The following VGLL4 variants were observed in gnomAD, a reference collection of about 807,000 sequenced individuals.
VGLL4 encodes transcription cofactor vestigial-like protein 4.
Under a neutral mutation model 21.0 loss-of-function variants are expected in VGLL4, and 7 were observed. That is an observed-to-expected ratio of 0.33 (90% CI 0.19 to 0.63). The LOEUF (loss-of-function observed/expected upper bound fraction) is 0.63. VGLL4 is among the 20% of genes least tolerant of loss of function. VGLL4 has a pLI of 0.78. For synonymous variants in VGLL4, 222 were observed against 173.2 expected, an observed-to-expected ratio of 1.28 and a Z score of -2.21; for missense variants, 394 against 425.7, an observed-to-expected ratio of 0.93 and a Z score of 0.66.
chr3:11,564,750 C>T, intron 3 of VGLL4, 47 bp downstream of exon 3: 1 of 1,531,236 alleles, frequency 6.5e-7, no homozygotes, highest in Non-Finnish European at 8.7e-7. Context: ...CAGCCCAGTC[C>T]CCCAGCCCCT....
chr3:11,620,811 A>G (rs1021236949), intron 1 of VGLL4, among the ~76,000 whole-genome samples: 1 of 152,138 alleles, frequency 6.6e-6, no homozygotes, highest in Non-Finnish European at 1.5e-5. Context: ...CTGTGTGCAC[A>G]TATCATGCTC....
chr3:11,681,812 G>A (rs749132387), intron 2 of VGLL4, among the ~76,000 whole-genome samples: 2 of 152,210 alleles, frequency 1.3e-5, no homozygotes, highest in South Asian at 2.1e-4. Flanking sequence ...AGTAAGATTC[G>A]AGAAGGGCGT....
At chr3:11,698,940 A>G (rs2076642253) in intron 2 of VGLL4, among the ~76,000 whole-genome samples, 1 of 152,214 alleles carries the variant, frequency 6.6e-6, no homozygotes. Context: ...GTTCTCCAGG[A>G]GCAAAGGAAA....
chr3:11,583,755 GCACATTCCTGC>G (rs1380322014), intron 2 of VGLL4, among the ~76,000 whole-genome samples: 1 of 152,154 alleles, frequency 6.6e-6, no homozygotes, highest in Non-Finnish European at 1.5e-5. Context: ...CCAAGGATGG[GCACATTCCTGC>G]CCATCACCAT....
intron 2 of VGLL4, among the ~76,000 whole-genome samples, chr3:11,687,250 G>A (rs544731370): frequency 2.6e-5 from 4 of 152,094 alleles, no homozygotes; most frequent in African/African-American, 9.6e-5. Context: ...TTCCAATTAG[G>A]ATGTATTTAA....
At chr3:11,574,887 C>A (rs944744238) in intron 2 of VGLL4, among the ~76,000 whole-genome samples, 1 of 148,740 alleles carries the variant, frequency 6.7e-6, no homozygotes, top group Non-Finnish European at 1.5e-5. Flanking sequence ...TTCAGGAAGC[C>A]AGGAAAAAGA....
chr3:11,580,939 G>C (rs1044354827), intron 2 of VGLL4, among the ~76,000 whole-genome samples: 2 of 152,136 alleles, frequency 1.3e-5, no homozygotes, highest in Non-Finnish European at 2.9e-5. Context: ...ATTGTTTCAA[G>C]TCATCGGAGG....
rs548609166 is a variant in VGLL4 at position 11,586,341 on chromosome 3, T to C, written c.272+15492A>G. Among the ~76,000 whole-genome samples, 5 of 152,300 alleles carry C rather than the reference T, an allele frequency of 3.3e-5. No homozygotes were observed. The East Asian group carries it at 7.7e-4, about 23-fold the overall frequency. On this transcript the variant is annotated intron_variant, in intron 2 of 4. Coordinates refer to ENST00000430365, the MANE Select transcript of VGLL4 (RefSeq NM_001128219.3). Reference sequence around the variant, plus strand: ...CTTTCTCCAAAATAAAAAGTATCTATGGTGAGGAAACGGTGCAGGAAGGAT... The same window carrying C: ...CTTTCTCCAAAATAAAAAGTATCTACGGTGAGGAAACGGTGCAGGAAGGAT...
intron 1 of VGLL4, among the ~76,000 whole-genome samples, chr3:11,615,313 G>A (rs1055898761): frequency 6.6e-6 from 1 of 152,188 alleles, no homozygotes; most frequent in African/African-American, 2.4e-5. Flanking sequence ...TTCATCTAAA[G>A]GAATTCTTTT....
At chr3:11,639,694 G>A (rs2075652774) in intron 1 of VGLL4, among the ~76,000 whole-genome samples, 1 of 152,170 alleles carries the variant, frequency 6.6e-6, no homozygotes, top group Non-Finnish European at 1.5e-5. Context: ...CCAACATGGT[G>A]AAACCCTACC....
At chr3:11,685,245 C>T (rs1236391010) in intron 2 of VGLL4, among the ~76,000 whole-genome samples, 1 of 147,418 alleles carries the variant, frequency 6.8e-6, no homozygotes, top group African/African-American at 2.5e-5. Flanking sequence ...ATTGCCCAGG[C>T]TGGAGTGCAG....
intron 2 of VGLL4, among the ~76,000 whole-genome samples, chr3:11,673,609 T>C (rs966951549): frequency 5.9e-5 from 9 of 152,116 alleles, no homozygotes; most frequent in Non-Finnish European, 1.2e-4. Flanking sequence ...TAATAGTTGC[T>C]TTTTCTTCTA....
intron 1 of VGLL4, among the ~76,000 whole-genome samples, chr3:11,643,180 C>T (rs186130569): frequency 1.3e-5 from 2 of 152,262 alleles, no homozygotes; most frequent in East Asian, 3.9e-4. Context: ...AAATGTGAGG[C>T]GCGAGTACGT....
intron 2 of VGLL4, among the ~76,000 whole-genome samples, chr3:11,601,010 G>T (rs542174713): frequency 6.6e-6 from 1 of 152,142 alleles, no homozygotes; most frequent in Admixed American, 6.5e-5. Flanking sequence ...CTGGTGGGGC[G>T]TCTCCAAGTC....
At chr3:11,559,988 T>A (rs1345372372) in intron 3 of VGLL4, among the ~76,000 whole-genome samples, 1 of 152,100 alleles carries the variant, frequency 6.6e-6, no homozygotes, top group Non-Finnish European at 1.5e-5. Context: ...GAAATATGCC[T>A]AAGTGTGGAA....
At chr3:11,606,723 C>T (rs1327554808) in intron 1 of VGLL4, among the ~76,000 whole-genome samples, 1 of 152,124 alleles carries the variant, frequency 6.6e-6, no homozygotes, top group African/African-American at 2.4e-5. Flanking sequence ...TAAAATGGAC[C>T]AATCAGCACT....
chr3:11,597,230 A>G (rs2074668381), intron 2 of VGLL4, among the ~76,000 whole-genome samples: 1 of 152,062 alleles, frequency 6.6e-6, no homozygotes, highest in East Asian at 1.9e-4. Context: ...TTGCACTTGA[A>G]TATCAAGGGC....
intron 1 of VGLL4, among the ~76,000 whole-genome samples, chr3:11,636,079 A>C (rs752373307): frequency 6.6e-6 from 1 of 152,258 alleles, no homozygotes; most frequent in Non-Finnish European, 1.5e-5. Flanking sequence ...GCTGACATTA[A>C]AATAGAATTT....
At chr3:11,578,748 C>CTT (rs71044228) in intron 2 of VGLL4, among the ~76,000 whole-genome samples, 21,316 of 103,632 alleles carry the variant, frequency 0.21, 4,304 homozygotes, top group African/African-American at 0.37. Flanking sequence ...TGTATATTTT[C>CTT]TTTTTTTTTT....
Sources: allele counts gnomAD v4.1 joint callset (sites outside exome capture counted in the v4.1 genomes callset), GRCh38; gene constraint gnomAD v4.1.1; transcripts MANE v1.5; gene names NCBI Gene and HGNC (gene_info 2026-07-23, HGNC 2026-07-21).